The following NR3C2 variants were observed in gnomAD, a reference collection of about 807,000 sequenced individuals.
NR3C2 encodes the protein mineralocorticoid receptor.
In NR3C2, 15 loss-of-function variants were observed where a neutral mutation model predicts 86.4. The ratio of observed to expected loss-of-function variants is 0.17; its 90% confidence interval spans 0.12 to 0.27. NR3C2 has a LOEUF of 0.27. Among genes scored for constraint, NR3C2 ranks in the 10% least tolerant of loss-of-function variants. NR3C2 has a pLI of 1.00. For synonymous variants in NR3C2, 458 were observed against 450.5 expected (o/e 1.02, Z -0.21); for missense variants, 960 against 1,195.6 (o/e 0.80, Z 2.91).
At chr4:148,214,808 C>T (rs542055408) in intron 3 of NR3C2, among the ~76,000 whole-genome samples, 2 of 152,066 alleles carry the variant, frequency 1.3e-5, no homozygotes, top group African/African-American at 2.4e-5. Flanking sequence ...GGCTGGACGT[C>T]GAGAGTTTAT....
At chr4:148,328,980 C>A (rs1329512527) in intron 2 of NR3C2, among the ~76,000 whole-genome samples, 1 of 152,140 alleles carries the variant, frequency 6.6e-6, no homozygotes, top group Non-Finnish European at 1.5e-5. Flanking sequence ...TCATTCATTA[C>A]CATTGTAGAC....
chr4:148,266,366 C>T (rs984184991), intron 2 of NR3C2, among the ~76,000 whole-genome samples: 4 of 152,022 alleles, frequency 2.6e-5, no homozygotes, highest in African/African-American at 4.8e-5. Flanking sequence ...CCACTGCACC[C>T]GGCCCAGAAG....
intron 5 of NR3C2, among the ~76,000 whole-genome samples, chr4:148,153,235 G>GA (rs34051019): frequency 0.4 from 60,253 of 151,946 alleles, 12,090 homozygotes; most frequent in East Asian, 0.57. Flanking sequence ...GCCCAGGCTG[G>GA]AGTTCAGTGA....
chr4:148,379,270 G>A (rs1308422422), intron 2 of NR3C2, among the ~76,000 whole-genome samples: 1 of 151,098 alleles, frequency 6.6e-6, no homozygotes, highest in Non-Finnish European at 1.5e-5. Context: ...TTAAATACCA[G>A]AAATGCTCAA....
chr4:148,119,729 T>C (rs1365535750), intron 7 of NR3C2, among the ~76,000 whole-genome samples: 1 of 147,942 alleles, frequency 6.8e-6, no homozygotes, highest in Admixed American at 6.8e-5. Context: ...GAGGTTGCAG[T>C]GAGCCAAGAT....
intron 4 of NR3C2, among the ~76,000 whole-genome samples, chr4:148,160,544 T>C (rs189144306): frequency 1.8e-4 from 27 of 152,204 alleles, no homozygotes; most frequent in Admixed American, 1.6e-3. Context: ...CTCTGGAGTA[T>C]AGTAAAAGAG....
At chr4:148,396,394 A>G (rs891991797) in intron 2 of NR3C2, among the ~76,000 whole-genome samples, 8 of 152,250 alleles carry the variant, frequency 5.3e-5, no homozygotes, top group Non-Finnish European at 8.8e-5. Context: ...AGAAAAATTT[A>G]TATCCAACCA....
At chr4:148,391,511 G>C (rs967780955) in intron 2 of NR3C2, among the ~76,000 whole-genome samples, 1 of 152,154 alleles carries the variant, frequency 6.6e-6, no homozygotes, top group African/African-American at 2.4e-5. Flanking sequence ...CCATGGCCTT[G>C]ATCCAAATTT....
At chr4:148,133,037 A>C (rs1241171970) in intron 6 of NR3C2, among the ~76,000 whole-genome samples, 1 of 151,978 alleles carries the variant, frequency 6.6e-6, no homozygotes, top group Non-Finnish European at 1.5e-5. Flanking sequence ...CGTCTCTATT[A>C]ATAATGTAAA....
intron 3 of NR3C2, among the ~76,000 whole-genome samples, chr4:148,227,092 A>C (rs534743940): frequency 6.6e-6 from 1 of 152,244 alleles, no homozygotes; most frequent in Admixed American, 6.5e-5. Context: ...ACTCTTAACA[A>C]ATCCACTTTT....
At chr4:148,139,761 A>G (rs752125860) in intron 6 of NR3C2, among the ~76,000 whole-genome samples, 1 of 152,000 alleles carries the variant, frequency 6.6e-6, no homozygotes, top group African/African-American at 2.4e-5. Context: ...GTTTCCCTTC[A>G]TCCTCCACTT....
chr4:148,266,661 G>A (rs973055842), intron 2 of NR3C2, among the ~76,000 whole-genome samples: 2 of 152,186 alleles, frequency 1.3e-5, no homozygotes, highest in African/African-American at 4.8e-5. Context: ...ACTCTGGAAT[G>A]TTTTAAGGAG....
intron 3 of NR3C2, among the ~76,000 whole-genome samples, chr4:148,228,033 A>C (rs1282847835): frequency 6.6e-6 from 1 of 152,192 alleles, no homozygotes; most frequent in African/African-American, 2.4e-5. Flanking sequence ...GGGCCTTCTC[A>C]GTAGACAGAA....
At chr4:148,149,912 G>A (rs1246698906) in intron 6 of NR3C2, among the ~76,000 whole-genome samples, 1 of 152,178 alleles carries the variant, frequency 6.6e-6, no homozygotes, top group African/African-American at 2.4e-5. Context: ...GTGCTGGCAA[G>A]GATGCAGAGA....
At chr4:148,309,031 T>C (rs563291787) in intron 2 of NR3C2, among the ~76,000 whole-genome samples, 12 of 152,188 alleles carry the variant, frequency 7.9e-5, no homozygotes, top group African/African-American at 2.4e-4. Flanking sequence ...AAGGAGGATA[T>C]TGAATGTTTT....
At chr4:148,135,917 C>T (rs1345036692) in intron 6 of NR3C2, among the ~76,000 whole-genome samples, 2 of 138,188 alleles carry the variant, frequency 1.4e-5, no homozygotes, top group African/African-American at 5.1e-5. Flanking sequence ...ATTAGCCGGG[C>T]ATAGTGGCGG....
chr4:148,439,505 C>T (rs1199839782), intron 1 of NR3C2, among the ~76,000 whole-genome samples: 6 of 152,170 alleles, frequency 3.9e-5, no homozygotes, highest in Non-Finnish European at 8.8e-5. Context: ...CACTCTGCGT[C>T]ACTCACATAG....
chr4:148,216,021 C>G (rs1298661264), intron 3 of NR3C2, among the ~76,000 whole-genome samples: 1 of 152,034 alleles, frequency 6.6e-6, no homozygotes, highest in African/African-American at 2.4e-5. Context: ...ATCTCCTGAC[C>G]TTGTGATTCA....
intron 2 of NR3C2, among the ~76,000 whole-genome samples, chr4:148,357,644 T>C (rs1745616402): frequency 6.6e-6 from 1 of 152,216 alleles, no homozygotes; most frequent in Non-Finnish European, 1.5e-5. Flanking sequence ...GACAAGCTTT[T>C]ATGTTACATA....
Sources: gnomAD v4.1 joint callset for allele counts (sites outside exome capture counted in the v4.1 genomes callset) on GRCh38, gnomAD v4.1.1 for gene constraint, MANE v1.5 for transcripts, NCBI Gene and HGNC (gene_info 2026-07-23, HGNC 2026-07-21) for gene names.